MYO1D: variants seen among roughly 807,000 people sequenced by gnomAD.
MYO1D encodes the protein unconventional myosin-Id.
Under a neutral mutation model 122.0 loss-of-function variants are expected in MYO1D, and 83 were observed. The observed-to-expected ratio is 0.68, with a 90% CI of 0.57 to 0.82. The LOEUF is 0.82. MYO1D is among the 40% of genes least tolerant of loss of function. MYO1D has a pLI of 0.00. For synonymous variants in MYO1D, 464 were observed against 446.9 expected, an observed-to-expected ratio of 1.04 and a Z score of -0.48; for missense variants, 1,157 against 1,269.5, an observed-to-expected ratio of 0.91 and a Z score of 1.35.
chr17:32,570,672 C>A (rs1274064607), intron 21 of MYO1D, among the ~76,000 whole-genome samples: 1 of 152,080 alleles, frequency 6.6e-6, no homozygotes, highest in Non-Finnish European at 1.5e-5. Flanking sequence ...CTTTTTAAGG[C>A]TCTTCTAACA....
intron 2 of MYO1D, among the ~76,000 whole-genome samples, chr17:32,779,479 T>C (rs1434255306): frequency 6.6e-6 from 1 of 150,696 alleles, no homozygotes; most frequent in African/African-American, 2.4e-5. Context: ...TAATTCTATA[T>C]ATAATTATAT....
At chr17:32,564,496 A>G (rs928581489) in intron 21 of MYO1D, among the ~76,000 whole-genome samples, 1 of 152,166 alleles carries the variant, frequency 6.6e-6, no homozygotes, top group African/African-American at 2.4e-5. Context: ...ACCCTACACC[A>G]TCCCTTCCCT....
chr17:32,677,807 G>A (rs573675418), intron 16 of MYO1D, among the ~76,000 whole-genome samples: 14 of 152,158 alleles, frequency 9.2e-5, no homozygotes, highest in African/African-American at 3.1e-4. Context: ...GCATTAGGCT[G>A]CCTAAACAGT....
chr17:32,519,803 G>T (rs1910053322), intron 21 of MYO1D, among the ~76,000 whole-genome samples: 1 of 152,004 alleles, frequency 6.6e-6, no homozygotes, highest in African/African-American at 2.4e-5. Flanking sequence ...ACTTGGGTCA[G>T]CTAAGGGTAC....
At chr17:32,577,939 CTG>C (rs2087294191) in intron 21 of MYO1D, among the ~76,000 whole-genome samples, 1 of 152,150 alleles carries the variant, frequency 6.6e-6, no homozygotes, top group South Asian at 2.1e-4. Context: ...CAGGATTTCA[CTG>C]TGTTAGCCAG....
At chr17:32,674,126 C>T (rs1001879692) in intron 16 of MYO1D, among the ~76,000 whole-genome samples, 2 of 152,176 alleles carry the variant, frequency 1.3e-5, no homozygotes, top group East Asian at 1.9e-4. Flanking sequence ...GCTGTTTCAA[C>T]GTTCTGACGA....
intron 16 of MYO1D, among the ~76,000 whole-genome samples, chr17:32,704,133 G>A (rs1431836464): frequency 6.6e-6 from 1 of 152,134 alleles, no homozygotes. Context: ...AGTTTCTTCA[G>A]TGCCTTCTAG....
chr17:32,771,907 G>A (rs183812914), intron 5 of MYO1D, among the ~76,000 whole-genome samples: 2 of 152,250 alleles, frequency 1.3e-5, no homozygotes, highest in South Asian at 2.1e-4. Flanking sequence ...TTTATATAGA[G>A]CATGTTTTTG....
At position 32,776,790 on chromosome 17, in the gene MYO1D, C is replaced by T. The variant is rs568831088; in HGVS notation, c.399-761G>A. Among the ~76,000 whole-genome samples, 19 of 152,262 alleles carry T rather than the reference C, an allele frequency of 1.2e-4. No individual in the cohort carries two copies. In the South Asian group the frequency reaches 1.9e-3, roughly 15 times the overall value. On this transcript the variant is annotated intron_variant, in intron 3 of 21. Coordinates refer to ENST00000318217, the MANE Select transcript of MYO1D (RefSeq NM_015194.3). ...CCAGCCATTTAATGCATTCTTTATT[C>T]GACGAATGCTAACTTTCTATACAGC...
At chr17:32,586,773 G>C (rs1423119370) in intron 21 of MYO1D, among the ~76,000 whole-genome samples, 2 of 152,072 alleles carry the variant, frequency 1.3e-5, no homozygotes, top group African/African-American at 4.8e-5. Context: ...ACCTTTACCT[G>C]CCTTCAGTCT....
chr17:32,753,484 G>C (rs1462814326), intron 11 of MYO1D, among the ~76,000 whole-genome samples: 2 of 152,142 alleles, frequency 1.3e-5, no homozygotes, highest in Non-Finnish European at 2.9e-5. Context: ...CTGAAAGTTG[G>C]GAAACCTGGG....
At chr17:32,719,552 T>A (rs1349169968) in intron 15 of MYO1D, among the ~76,000 whole-genome samples, 1 of 151,908 alleles carries the variant, frequency 6.6e-6, no homozygotes, top group Admixed American at 6.6e-5. Flanking sequence ...GGGTTTCACC[T>A]TGTTAGCCAG....
intron 16 of MYO1D, among the ~76,000 whole-genome samples, chr17:32,709,747 G>A (rs9303654): frequency 0.19 from 29,546 of 151,962 alleles, 3,034 homozygotes; most frequent in Middle Eastern, 0.3. Context: ...ATTTACCTAG[G>A]AAAGCCAACA....
intron 16 of MYO1D, among the ~76,000 whole-genome samples, chr17:32,693,255 T>C (rs928228012): frequency 2.6e-5 from 4 of 152,206 alleles, no homozygotes; most frequent in Middle Eastern, 6.3e-3. Flanking sequence ...TGTAGCCATT[T>C]TTTTTTCCTT....
chr17:32,833,747 G>A (rs2090793622), intron 1 of MYO1D, among the ~76,000 whole-genome samples: 1 of 152,000 alleles, frequency 6.6e-6, no homozygotes, highest in African/African-American at 2.4e-5. Context: ...AACACACTAG[G>A]CAAGCTCCCA....
chr17:32,843,364 T>C (rs943120213), intron 1 of MYO1D, among the ~76,000 whole-genome samples: 3 of 152,100 alleles, frequency 2.0e-5, no homozygotes, highest in African/African-American at 7.2e-5. Context: ...TGAGTATCCA[T>C]AAAGAACAAA....
rs1598160327 is a variant in MYO1D at position 32,857,965 on chromosome 17, A to G, written c.95+18813T>C. Among the ~76,000 whole-genome samples the G allele has an allele frequency of 2.0e-5, 3 of 152,368 alleles. No individual in the cohort carries two copies. In the South Asian group the frequency reaches 6.2e-4, roughly 32 times the overall value. ...GTAGTCCTCAGTATACACAGTTTCTAGCAAAAAGCTTTAAGTAATACCTGT... is the reference window on the plus strand; with the variant it reads ...GTAGTCCTCAGTATACACAGTTTCTGGCAAAAAGCTTTAAGTAATACCTGT... On this transcript the variant is annotated intron_variant, in intron 1 of 21. Coordinates refer to ENST00000318217, the MANE Select transcript of MYO1D (RefSeq NM_015194.3).
At chr17:32,644,665 G>T (rs1260161671) in intron 19 of MYO1D, among the ~76,000 whole-genome samples, 2 of 152,180 alleles carry the variant, frequency 1.3e-5, no homozygotes, top group Non-Finnish European at 2.9e-5. Flanking sequence ...TTACCATTAT[G>T]TAGTGGCCTT....
At chr17:32,598,490 G>T (rs1171625673) in intron 21 of MYO1D, among the ~76,000 whole-genome samples, 3 of 152,226 alleles carry the variant, frequency 2.0e-5, no homozygotes, top group Non-Finnish European at 2.9e-5. Flanking sequence ...GCCTGGACTT[G>T]CTGGTATCAG....
Sources: gnomAD v4.1 joint callset for allele counts (sites outside exome capture counted in the v4.1 genomes callset) on GRCh38, gnomAD v4.1.1 for gene constraint, MANE v1.5 for transcripts, NCBI Gene and HGNC (gene_info 2026-07-23, HGNC 2026-07-21) for gene names.